The following SLC7A6 variants were observed in gnomAD, a reference collection of about 807,000 sequenced individuals.
SLC7A6 encodes Y+L amino acid transporter 2.
Under a neutral mutation model 46.6 loss-of-function variants are expected in SLC7A6, and 29 were observed. The ratio of observed to expected loss-of-function variants is 0.62; its 90% CI spans 0.46 to 0.85. The LOEUF (loss-of-function observed/expected upper bound fraction) is 0.85. Ranked by LOEUF, SLC7A6 falls within the 40% of genes least tolerant of loss-of-function variation. The pLI, the probability that SLC7A6 is intolerant of heterozygous loss-of-function variation, is 0.00. For missense variants in SLC7A6, 527 were observed against 647.6 expected (o/e 0.81, Z 2.02); for synonymous variants, 276 against 257.3 (o/e 1.07, Z -0.70).
At chr16:68,275,596 CA>C (rs10578259) in intron 3 of SLC7A6, among the ~76,000 whole-genome samples, 9,419 of 100,514 alleles carry the variant, frequency 0.094, 419 homozygotes, top group African/African-American at 0.2. Context: ...ACTCTGTCTC[CA>C]AAAAAAAAAA....
In SLC7A6 at chr16:68,275,079, C is replaced by G. The variant is rs781511991; in HGVS notation, c.353C>G (p.Ala118Gly). ...SGASYAYILE[A>G]FGGFIAFIRL... Reference sequence around the variant, plus strand: ...GCCAGCTACGCTTATATTCTAGAGGCCTTTGGGGGCTTCATTGCCTTCATC... The same window carrying G: ...GCCAGCTACGCTTATATTCTAGAGGGCTTTGGGGGCTTCATTGCCTTCATC... The change falls in exon 3 of 11, where the codon GCC becomes GGC. Residue 118 changes from alanine (A) to glycine (G), a missense_variant. Transcript: ENST00000219343. 9 of 1,614,140 alleles carry G rather than the reference C, an allele frequency of 5.6e-6. No individual in the cohort carries two copies. Among genetic ancestry groups the G allele is most frequent in the Middle Eastern group, 1.6e-4 (1 of 6,062 alleles).
chr16:68,276,920 G>A (rs971539389), intron 3 of SLC7A6, among the ~76,000 whole-genome samples: 4 of 151,756 alleles, frequency 2.6e-5, no homozygotes, highest in East Asian at 1.9e-4. Flanking sequence ...TCTTGAGCCC[G>A]GGAAGTCGAG....
intron 3 of SLC7A6, among the ~76,000 whole-genome samples, chr16:68,286,376 G>T (rs1340948164): frequency 6.6e-6 from 1 of 152,140 alleles, no homozygotes; most frequent in Non-Finnish European, 1.5e-5. Context: ...CCTTGACTGG[G>T]AGTTGCTGTT....
At chr16:68,280,843 TC>T (rs936678924) in intron 3 of SLC7A6, among the ~76,000 whole-genome samples, 1 of 152,138 alleles carries the variant, frequency 6.6e-6, no homozygotes, top group Non-Finnish European at 1.5e-5. Flanking sequence ...CACGCCATTC[TC>T]CTGCGTCAGC....
At chr16:68,286,675 G>A (rs1156641854) in intron 3 of SLC7A6, among the ~76,000 whole-genome samples, 1 of 152,184 alleles carries the variant, frequency 6.6e-6, no homozygotes, top group East Asian at 1.9e-4. Flanking sequence ...GCAAAGTGCC[G>A]GGGCTCTCAG....
chr16:68,299,167 TTC>T lies in SLC7A6; in HGVS notation c.*1841_*1842del, dbSNP rs2043226034. The T allele has an allele frequency of 6.6e-6, 1 of 152,616 alleles. No homozygotes were observed. The highest frequency in any genetic ancestry group is 1.5e-5 in the Non-Finnish European group (1 of 68,030). The allele number at this position is 152,616 out of a possible 1,614,324, so 9.5% of individuals were successfully genotyped here. ...CTTGCCTGAACGCTAAGAACATGAC[TTC>T]TGTCTGAGCTAAGCTGGCACCCATC... On this transcript the variant is annotated 3_prime_UTR_variant, in exon 11 of 11. Coordinates refer to ENST00000219343, the MANE Select transcript of SLC7A6 (RefSeq NM_003983.6).
At position 68,266,628 on chromosome 16, in the gene SLC7A6, C is replaced by A. The variant is rs961273908; in HGVS notation, c.-130C>A. 6.6e-6 allele frequency: 1 copy of A among 152,110 alleles called. No homozygotes were observed. Among genetic ancestry groups the A allele is most frequent in the Non-Finnish European group, 1.5e-5 (1 of 68,032 alleles). The allele number at this position is 152,110 out of a possible 1,614,324, so 9.4% of individuals were successfully genotyped here. On this transcript the variant is annotated 5_prime_UTR_variant, in exon 2 of 11. Coordinates refer to ENST00000219343, the MANE Select transcript of SLC7A6 (RefSeq NM_003983.6). The stretch of plus-strand genomic sequence containing the variant: ...GCCGAGGCAGACAAGTGGAATTAGG[C>A]CTTGCTGCAGGGGACTTCATTTCCT...
chr16:68,287,701 G>A (rs766670772), intron 3 of SLC7A6, 45 bp from the exon 4 acceptor site: 2 of 1,600,756 alleles, frequency 1.2e-6, no homozygotes, highest in Admixed American at 1.7e-5. Flanking sequence ...GGGCCCCTGT[G>A]CCCTCAACTC....
chr16:68,291,762 G>GTGTGTGT, intron 7 of SLC7A6, 101 bp downstream of exon 7: 2 of 545,988 alleles, frequency 3.7e-6, no homozygotes, highest in Non-Finnish European at 6.4e-6. Context: ...GGGCATATAG[G>GTGTGTGT]GTGTGTGTGT....
At chr16:68,281,940 G>A (rs1470436329) in intron 3 of SLC7A6, among the ~76,000 whole-genome samples, 3 of 152,324 alleles carry the variant, frequency 2.0e-5, no homozygotes, top group South Asian at 2.1e-4. Flanking sequence ...CATTCCCCCT[G>A]AGTTTGTTTG....
At chr16:68,294,363 G>A (rs913477352) in intron 7 of SLC7A6, among the ~76,000 whole-genome samples, 3 of 152,190 alleles carry the variant, frequency 2.0e-5, no homozygotes, top group African/African-American at 7.2e-5. Flanking sequence ...CTATGAATCT[G>A]GCATGGATTG....
Position 68,296,397 on chromosome 16 carries a change from G to A in SLC7A6, c.1153G>A (p.Asp385Asn), listed in dbSNP as rs1301611524. 1 of 1,613,902 alleles carries A rather than the reference G, an allele frequency of 6.2e-7. No individual in the cohort carries two copies. Among genetic ancestry groups the A allele is most frequent in the Admixed American group, 1.7e-5 (1 of 60,002 alleles). ...GGCACTCATCTACCTCATCGTGGAG[G>A]ATGTTTTCCAGCTTATCAACTACTT... ...TMALIYLIVE[D>N]VFQLINYFSF... Residue 385 changes from aspartate to asparagine, a missense_variant, in exon 9 of 11, where the codon GAT (aspartate) becomes AAT (asparagine). Physicochemically the swap from Asp to Asn is conservative, Grantham distance 23. Coordinates refer to ENST00000219343, the MANE Select transcript of SLC7A6 (RefSeq NM_003983.6).
intron 4 of SLC7A6, 137 bp downstream of exon 4, chr16:68,288,008 T>C (rs1377295612): frequency 3.8e-6 from 5 of 1,305,762 alleles, no homozygotes; most frequent in African/African-American, 1.5e-5. Context: ...GAGATGGGAG[T>C]AGATTTCTTT....
intron 3 of SLC7A6, among the ~76,000 whole-genome samples, chr16:68,279,062 G>T (rs2042779888): frequency 6.6e-6 from 1 of 152,146 alleles, no homozygotes; most frequent in Non-Finnish European, 1.5e-5. Flanking sequence ...GCTGGGCATG[G>T]TAGCTCATGG....
intron 2 of SLC7A6, 75 bp from the exon 3 acceptor site, chr16:68,274,616 T>C: frequency 7.9e-7 from 1 of 1,271,074 alleles, no homozygotes; most frequent in Non-Finnish European, 1.1e-6. Context: ...AAATAGGAAG[T>C]GGGCAGGGAA....
rs1166757573 is a variant in SLC7A6, at chr16:68,291,306, G to A, written c.892G>A (p.Val298Ile). 1.2e-6 allele frequency: 2 copies of A among 1,614,146 alleles called. No homozygotes were observed. Among genetic ancestry groups the A allele is most frequent in the South Asian group, 1.1e-5 (1 of 91,074 alleles). ...AYYTVLNISD[V>I]LSSDAVAVTF... ...TTACACAGTGCTGAACATTTCAGAT[G>A]TCCTTAGCAGTGATGCTGTGGCTGT... is the stretch of plus-strand genomic sequence containing the variant. The change falls in exon 6 of 11, where the codon GTC becomes ATC. Residue 298 changes from valine to isoleucine, a missense_variant. Coordinates refer to ENST00000219343, the MANE Select transcript of SLC7A6 (RefSeq NM_003983.6).
chr16:68,299,018 A>T lies in SLC7A6; in HGVS notation c.*1690A>T, dbSNP rs534521946. ...TAAAGATTGAAGGAAGCATGGTCATAGTTGCCCTGGGTTCAGAGCATAATG... is the reference window on the plus strand; with the variant it reads ...TAAAGATTGAAGGAAGCATGGTCATTGTTGCCCTGGGTTCAGAGCATAATG... On this transcript the variant is annotated 3_prime_UTR_variant, in exon 11 of 11. Coordinates refer to ENST00000219343, the MANE Select transcript of SLC7A6 (RefSeq NM_003983.6). The T allele has an allele frequency of 1.3e-5, 2 of 152,768 alleles. No homozygotes were observed. The highest frequency in any genetic ancestry group is 3.9e-4 in the East Asian group (2 of 5,190). 9.5% of individuals were successfully genotyped at this position (152,768 alleles called of 1,614,324 possible).
In SLC7A6 at chr16:68,296,948, G is replaced by A. The variant is rs1272387694; in HGVS notation, c.1453+138G>A. On this transcript the variant is annotated intron_variant, in intron 10 of 10. Coordinates refer to ENST00000219343, the MANE Select transcript of SLC7A6 (RefSeq NM_003983.6). ...CCCAGCTGTCCACGACTTCCCTTTT[G>A]ATTTTGACATGATCACTTTAGTTCT... 9 of 899,148 alleles carry A rather than the reference G, an allele frequency of 1.0e-5. No homozygotes were observed. In the African/African-American group the frequency reaches 1.2e-4, roughly 12 times the overall value. 55.7% of individuals were successfully genotyped at this position (899,148 alleles called of 1,614,324 possible).
At chr16:68,274,623 G>A in intron 2 of SLC7A6, 68 bp from the exon 3 acceptor site, 1 of 1,374,416 alleles carries the variant, frequency 7.3e-7, no homozygotes, top group South Asian at 1.4e-5. Flanking sequence ...AAGTGGGCAG[G>A]GAAATCTGGT....
Sources: gnomAD v4.1 joint callset for allele counts (sites outside exome capture counted in the v4.1 genomes callset) on GRCh38, gnomAD v4.1.1 for gene constraint, MANE v1.5 for transcripts, NCBI Gene and HGNC (gene_info 2026-07-23, HGNC 2026-07-21) for gene names.